The following RIF1 variants were observed in gnomAD, a reference collection of about 807,000 sequenced individuals.
The protein encoded by RIF1 is replication timing regulatory factor 1.
In RIF1, 45 loss-of-function variants were observed where a neutral mutation model predicts 247.1. The ratio of observed to expected loss-of-function variants is 0.18; its 90% CI spans 0.14 to 0.23. The LOEUF (loss-of-function observed/expected upper bound fraction) is 0.23. RIF1 is among the 10% of genes least tolerant of loss of function. The probability of loss-of-function intolerance (pLI) is 1.00; values close to 1 mark genes in which losing one functional copy is unlikely to be tolerated. For synonymous variants in RIF1, 1,087 were observed against 978.8 expected (o/e 1.11, Z -2.06); for missense variants, 2,967 against 2,862.5 (o/e 1.04, Z -0.83).
Position 151,433,241 on chromosome 2 carries a change from G to A in RIF1, c.1077+13G>A. The A allele has an allele frequency of 1.9e-6, 3 of 1,601,424 alleles. No homozygotes were observed. Among genetic ancestry groups the A allele is most frequent in the Non-Finnish European group, 2.6e-6 (3 of 1,169,922 alleles). ...TAATTTTGAACAGGTAACATTACAA[G>A]TGTTGACTATAGCACTTTATGTTTT... is the stretch of plus-strand genomic sequence containing the variant. On this transcript the variant is annotated intron_variant, in intron 10 of 35. Transcript: ENST00000444746.
chr2:151,533,515 A>G, the RIF1 span: 1 of 1,551,394 alleles, frequency 6.4e-7, no homozygotes, highest in Admixed American at 2.0e-5. Context: ...TCCATGTTGC[A>G]GAAACATCTT....
Position 151,465,661 on chromosome 2 carries a change from A to G in RIF1, c.6141A>G (p.Lys2047=). The G allele has an allele frequency of 1.9e-6, 3 of 1,614,142 alleles. No individual in the cohort carries two copies. Among genetic ancestry groups the G allele is most frequent in the Middle Eastern group, 3.3e-4 (2 of 6,062 alleles). The change falls in exon 30 of 36, where the codon AAA becomes AAG. Residue 2047 remains lysine, a synonymous_variant. Transcript: ENST00000444746. ...CAGAGAATGAGGGCATAACTACCAA[A>G]ACCTCAAAGCCTGATGAAGCTGAAA... is the stretch of plus-strand genomic sequence containing the variant. ...GETENEGITT[K]TSKPDEAETN... is the part of the protein sequence containing the mutation.
chr2:151,439,801 C>T (rs1008431149), intron 14 of RIF1, among the ~76,000 whole-genome samples: 4 of 149,842 alleles, frequency 2.7e-5, no homozygotes, highest in South Asian at 4.2e-4. Context: ...CTAGCAAACC[C>T]GTCTCTACTA....
At chr2:151,507,916 C>T in exon 14 of RIF1, 2 of 877,212 alleles carry the variant, frequency 2.3e-6, no homozygotes, top group Non-Finnish European at 3.7e-6. Flanking sequence ...TGCACAACAG[C>T]CCCACTGCAA....
chr2:151,411,972 G>C (rs914064183), intron 3 of RIF1, among the ~76,000 whole-genome samples: 2 of 152,228 alleles, frequency 1.3e-5, no homozygotes, highest in Non-Finnish European at 2.9e-5. Context: ...GCAGAGATCA[G>C]AGATTAATCT....
the RIF1 span, chr2:151,533,466 G>A: frequency 5.2e-6 from 8 of 1,551,182 alleles, no homozygotes; most frequent in African/African-American, 2.7e-5. Flanking sequence ...GCGAATTGTA[G>A]AGAGCAGTCA....
intron 7 of RIF1, among the ~76,000 whole-genome samples, chr2:151,421,673 G>T (rs1300773972): frequency 6.6e-6 from 1 of 152,170 alleles, no homozygotes. Context: ...CTCTCCCAAA[G>T]TGTTGGGATG....
Position 151,468,628 on chromosome 2 carries a change from AATTT to A in RIF1, c.6826-9_6826-6del, listed in dbSNP as rs769243095. Reference sequence around the variant, plus strand: ...TTGACCTCTGTGTAACAGCTTCTGAAATTTATTCTAAGATTTCAGAAATGGCCAA... The same window carrying A: ...TTGACCTCTGTGTAACAGCTTCTGAAATTCTAAGATTTCAGAAATGGCCAA... On this transcript the variant is annotated splice_polypyrimidine_tract_variant and intron_variant, in intron 32 of 35. Coordinates refer to ENST00000444746, the MANE Select transcript of RIF1 (RefSeq NM_018151.5). The A allele has an allele frequency of 6.2e-7, 1 of 1,611,692 alleles. No individual in the cohort carries two copies. The highest frequency in any genetic ancestry group is 1.3e-5 in the African/African-American group (1 of 75,000).
chr2:151,494,959 T>G (rs1401206436), intron 9 of RIF1: 1 of 152,758 alleles, frequency 6.5e-6, no homozygotes, highest in Non-Finnish European at 1.5e-5. Context: ...ACAGCAGCTG[T>G]TTTTTTACTG....
intron 10 of RIF1, among the ~76,000 whole-genome samples, chr2:151,498,962 G>T (rs1474381038): frequency 6.6e-6 from 1 of 152,034 alleles, no homozygotes; most frequent in Non-Finnish European, 1.5e-5. Flanking sequence ...AAGAAACGAG[G>T]ATAATAGTCG....
intron 12 of RIF1, among the ~76,000 whole-genome samples, chr2:151,505,129 C>G (rs1418029814): frequency 1.3e-5 from 2 of 152,044 alleles, no homozygotes; most frequent in African/African-American, 4.8e-5. Flanking sequence ...TATGTATATG[C>G]TTTTAGTTAA....
intron 9 of RIF1, chr2:151,490,196 A>T: frequency 8.5e-7 from 1 of 1,171,710 alleles, no homozygotes; most frequent in Admixed American, 2.5e-5. Context: ...CAAAAAGAGA[A>T]ATCAAAGAAA....
intron 30 of RIF1, among the ~76,000 whole-genome samples, chr2:151,467,759 C>CT (rs1328806868): frequency 6.6e-6 from 1 of 151,972 alleles, no homozygotes; most frequent in Non-Finnish European, 1.5e-5. Flanking sequence ...GTTACTGTGC[C>CT]TTTTTCACAA....
chr2:151,440,619 A>G (rs1046285322), intron 15 of RIF1, among the ~76,000 whole-genome samples: 1 of 152,200 alleles, frequency 6.6e-6, no homozygotes, highest in Non-Finnish European at 1.5e-5. Context: ...CAGTGGAACA[A>G]ACAATACCCT....
chr2:151,519,065 T>C, the RIF1 span: 5 of 1,600,066 alleles, frequency 3.1e-6, no homozygotes, highest in African/African-American at 5.4e-5. Flanking sequence ...AGCCTTGTAT[T>C]TAACCTGTGT....
In RIF1 at chr2:151,435,765, T is replaced by TG. The variant is rs778679007; in HGVS notation, c.1195+185_1195+186insG. Among the ~76,000 whole-genome samples, 368 of 152,036 alleles carry TG rather than the reference T, an allele frequency of 2.4e-3. 1 individual carries two copies. The highest frequency in any genetic ancestry group is 4.0e-3 in the Non-Finnish European group (270 of 67,986). On this transcript the variant is annotated intron_variant, in intron 11 of 35. Coordinates refer to ENST00000444746, the MANE Select transcript of RIF1 (RefSeq NM_018151.5). ...ATCCATTATCATGTTTTTCTGTTTT[T>TG]TGTTTTTTTTTTTTAATATTACTGA... is the stretch of plus-strand genomic sequence containing the variant.
intron 8 of RIF1, chr2:151,423,358 A>G (rs891867836): frequency 9.5e-6 from 2 of 209,618 alleles, no homozygotes; most frequent in African/African-American, 2.4e-5. Flanking sequence ...TTTATAATCC[A>G]TGTAATGCCA....
intron 23 of RIF1, among the ~76,000 whole-genome samples, chr2:151,457,204 C>G (rs990477598): frequency 6.6e-6 from 1 of 152,182 alleles, no homozygotes; most frequent in Non-Finnish European, 1.5e-5. Flanking sequence ...TTACCACACC[C>G]CTGCCCTCCT....
At position 151,414,931 on chromosome 2, in the gene RIF1, T is replaced by G; in HGVS notation, c.280+12T>G. 2.0e-6 allele frequency: 3 copies of G among 1,492,370 alleles called. No homozygotes were observed. Among genetic ancestry groups the G allele is most frequent in the Non-Finnish European group, 2.8e-6 (3 of 1,073,382 alleles). 92.4% of individuals were successfully genotyped at this position (1,492,370 alleles called of 1,614,324 possible). On this transcript the variant is annotated intron_variant, in intron 4 of 35. Transcript: ENST00000444746. ...CTCAGAATTATCAGGTAGATAAATT[T>G]CTTATGACTTAATATTTTTAGAGTA...
Sources: gnomAD v4.1 joint callset for allele counts (sites outside exome capture counted in the v4.1 genomes callset) on GRCh38, gnomAD v4.1.1 for gene constraint, MANE v1.5 for transcripts, NCBI Gene and HGNC (gene_info 2026-07-23, HGNC 2026-07-21) for gene names.